SEMA3E: variants seen among roughly 807,000 people sequenced by gnomAD.
SEMA3E encodes the protein semaphorin 3E, also known as semaphorin-3E.
A neutral mutation model predicts 93.6 loss-of-function variants in SEMA3E; 49 were observed. The observed-to-expected ratio is 0.52, with a 90% CI of 0.42 to 0.66. The LOEUF (loss-of-function observed/expected upper bound fraction) is 0.66. Ranked by LOEUF, SEMA3E falls within the 30% of genes least tolerant of loss-of-function variation. The pLI is 0.00. For synonymous variants in SEMA3E, 363 were observed against 330.7 expected (o/e 1.10, Z -1.06); for missense variants, 906 against 964.8 (o/e 0.94, Z 0.81).
At chr7:83,418,875 CTGT>C (rs1013443438) in intron 4 of SEMA3E, among the ~76,000 whole-genome samples, 18 of 117,182 alleles carry the variant, frequency 1.5e-4, no homozygotes, top group African/African-American at 3.7e-4. Context: ...ATCAAGAATG[CTGT>C]TGTTGATTTT....
chr7:83,508,017 AAAAAT>A (rs1238680609), intron 1 of SEMA3E, among the ~76,000 whole-genome samples: 2 of 152,130 alleles, frequency 1.3e-5, no homozygotes, highest in African/African-American at 4.8e-5. Flanking sequence ...TCATAGTACT[AAAAAT>A]AATATAAATT....
intron 2 of SEMA3E, among the ~76,000 whole-genome samples, chr7:83,478,683 T>C (rs775147992): frequency 4.7e-4 from 72 of 152,294 alleles, no homozygotes; most frequent in African/African-American, 1.7e-3. Flanking sequence ...TAGCAACTAA[T>C]TGTTCTACTA....
chr7:83,438,691 G>GA (rs1466671845), intron 4 of SEMA3E, among the ~76,000 whole-genome samples: 4 of 151,036 alleles, frequency 2.6e-5, no homozygotes, highest in Non-Finnish European at 4.4e-5. Flanking sequence ...CGGTCTCTTA[G>GA]AAAAAAAATA....
At chr7:83,372,210 C>A (rs1794758465) in intron 16 of SEMA3E, 2 of 397,566 alleles carry the variant, frequency 5.0e-6, no homozygotes, top group Admixed American at 8.8e-5. Flanking sequence ...TAAGAAGGAG[C>A]AAACATGGTT....
intron 1 of SEMA3E, among the ~76,000 whole-genome samples, chr7:83,520,123 T>C (rs1194573631): frequency 2.0e-5 from 3 of 152,198 alleles, no homozygotes; most frequent in South Asian, 4.1e-4. Context: ...CAATTTTTGA[T>C]ATCTCTGTTC....
At chr7:83,541,005 A>G (rs2115762766) in intron 1 of SEMA3E, among the ~76,000 whole-genome samples, 1 of 152,286 alleles carries the variant, frequency 6.6e-6, no homozygotes, top group Non-Finnish European at 1.5e-5. Flanking sequence ...AAAGAAAGAG[A>G]TGAGTTGCCA....
rs1179812677 is a variant in SEMA3E at position 83,367,242 on chromosome 7, T to C, written c.*344A>G. ...GTTTTATATTTACCATGATTATAAG[T>C]CTCCAATTTTTCTTCAATATTCTAA... On this transcript the variant is annotated 3_prime_UTR_variant, in exon 17 of 17. Coordinates refer to ENST00000643230, the MANE Select transcript of SEMA3E (RefSeq NM_012431.3). 2 of 257,664 alleles carry C rather than the reference T, an allele frequency of 7.8e-6. No homozygotes were observed. The highest frequency in any genetic ancestry group is 4.6e-5 in the African/African-American group (2 of 43,926). 16.0% of individuals were successfully genotyped at this position (257,664 alleles called of 1,614,324 possible).
At chr7:83,373,154 A>T (rs988558272) in intron 16 of SEMA3E, 4 of 152,168 alleles carry the variant, frequency 2.6e-5, no homozygotes, top group African/African-American at 7.2e-5. Flanking sequence ...TAGTAAAAAA[A>T]AAAGTAATTG....
At chr7:83,645,857 A>T (rs1794072807) in intron 1 of SEMA3E, among the ~76,000 whole-genome samples, 2 of 152,158 alleles carry the variant, frequency 1.3e-5, no homozygotes, top group Non-Finnish European at 2.9e-5. Context: ...GGAAAAGGGC[A>T]AATCTCTGGA....
At chr7:83,481,814 T>G (rs892827854) in intron 2 of SEMA3E, among the ~76,000 whole-genome samples, 3 of 152,228 alleles carry the variant, frequency 2.0e-5, no homozygotes, top group African/African-American at 7.2e-5. Flanking sequence ...TTCTTATCTA[T>G]TTCAAAGTTG....
rs536827692 is a variant in SEMA3E at position 83,466,611 on chromosome 7, GA to G, written c.337-11del. 1.9e-3 allele frequency: 3,069 copies of G among 1,609,948 alleles called. 3 individuals are homozygous for G. The highest frequency in any genetic ancestry group is 2.3e-3 in the Non-Finnish European group (2,711 of 1,179,122). On this transcript the variant is annotated splice_polypyrimidine_tract_variant and intron_variant, in intron 3 of 16. Coordinates refer to ENST00000643230, the MANE Select transcript of SEMA3E (RefSeq NM_012431.3). ...AATTTGCACATTCACCCTAAAGCAG[GA>G]AAAAAAGGGAAGGAATCTATCAGTA...
chr7:83,403,082 G>T (rs1354018344), intron 9 of SEMA3E, among the ~76,000 whole-genome samples: 1 of 151,512 alleles, frequency 6.6e-6, no homozygotes, highest in Non-Finnish European at 1.5e-5. Flanking sequence ...GGATGATCTG[G>T]CCTTCATATT....
At chr7:83,373,025 A>G (rs145357196) in intron 16 of SEMA3E, 12 of 152,276 alleles carry the variant, frequency 7.9e-5, no homozygotes, top group African/African-American at 2.9e-4. Flanking sequence ...AAGATAGTGC[A>G]TAATACATCA....
In SEMA3E at chr7:83,601,073, C is replaced by T. The variant is rs1042447316; in HGVS notation, c.115+47355G>A. 1.1e-4 allele frequency among the ~76,000 whole-genome samples: 16 copies of T among 152,004 alleles called. No individual in the cohort carries two copies. The South Asian group carries it at 1.7e-3, about 16-fold the overall frequency. On this transcript the variant is annotated intron_variant, in intron 1 of 16. Coordinates refer to ENST00000643230, the MANE Select transcript of SEMA3E (RefSeq NM_012431.3). ...CGAGGGAGGGAAAGAGATGTGATGA[C>T]GAAAGCAGAGGTCAGAATGGTGCAA...
At chr7:83,380,607 A>C (rs1268419475) in intron 16 of SEMA3E, among the ~76,000 whole-genome samples, 1 of 151,920 alleles carries the variant, frequency 6.6e-6, no homozygotes, top group African/African-American at 2.4e-5. Flanking sequence ...ATCGTTTCCC[A>C]GTTGGTTATT....
At chr7:83,486,700 T>C (rs1346386814) in intron 2 of SEMA3E, among the ~76,000 whole-genome samples, 1 of 152,070 alleles carries the variant, frequency 6.6e-6, no homozygotes, top group African/African-American at 2.4e-5. Flanking sequence ...GAAATGCAGG[T>C]GGGGCTGATG....
At chr7:83,551,326 C>A (rs551795553) in intron 1 of SEMA3E, among the ~76,000 whole-genome samples, 225 of 152,204 alleles carry the variant, frequency 1.5e-3, no homozygotes, top group South Asian at 5.6e-3. Context: ...CTACTCTCAA[C>A]AGTGTGAAAG....
chr7:83,485,925 C>T (rs1790242620), intron 2 of SEMA3E, among the ~76,000 whole-genome samples: 1 of 151,848 alleles, frequency 6.6e-6, no homozygotes, highest in African/African-American at 2.4e-5. Context: ...TTAAAAGATA[C>T]TAAAGAAATA....
chr7:83,597,000 A>G (rs2115967558), intron 1 of SEMA3E, among the ~76,000 whole-genome samples: 2 of 152,264 alleles, frequency 1.3e-5, no homozygotes, highest in Middle Eastern at 3.4e-3. Context: ...ATCTATGACT[A>G]CAGTGTCTCA....
Sources: allele counts gnomAD v4.1 joint callset (sites outside exome capture counted in the v4.1 genomes callset), GRCh38; gene constraint gnomAD v4.1.1; transcripts MANE v1.5; gene names NCBI Gene and HGNC (gene_info 2026-07-23, HGNC 2026-07-21).